Variants in NFKBIB observed in about 807,000 individuals in gnomAD.
The protein encoded by NFKBIB is NF-kappa-B inhibitor beta.
A neutral mutation model predicts 32.1 loss-of-function variants in NFKBIB; 16 were observed. The ratio of observed to expected loss-of-function variants is 0.50; its 90% CI spans 0.34 to 0.76. NFKBIB has a LOEUF of 0.76. Among genes scored for constraint, NFKBIB ranks in the 30% least tolerant of loss-of-function variants. The pLI is 0.01. For missense variants in NFKBIB, 437 were observed against 514.9 expected, an observed-to-expected ratio of 0.85 and a Z score of 1.46; for synonymous variants, 222 against 219.5, an observed-to-expected ratio of 1.01 and a Z score of -0.10.
chr19:38,900,610 G>A (rs1973920438), intron 1 of NFKBIB, among the ~76,000 whole-genome samples: 1 of 152,136 alleles, frequency 6.6e-6, no homozygotes, highest in African/African-American at 2.4e-5. Context: ...CTTGGTCCCT[G>A]ACTCTAAGAT....
rs745419273 is a variant in NFKBIB, at chr19:38,905,390, C to T, written c.474C>T (p.Pro158=). 3.2e-5 allele frequency: 51 copies of T among 1,613,448 alleles called. No homozygotes were observed. The highest frequency in any genetic ancestry group is 6.7e-5 in the East Asian group (3 of 44,872). The stretch of plus-strand genomic sequence containing the variant: ...GCCCCCGGCGCCCCAGGGAAGCCCC[C>T]GACACCTACCTCGCTCAGGGCCCTG... ...QPRPRRPREA[P]DTYLAQGPDR... Residue 158 remains proline, a synonymous_variant, in exon 3 of 6, where the codon CCC becomes CCT. Transcript: ENST00000313582. The surrounding 1 kb of genome is among the most constrained non-coding windows in gnomAD (Gnocchi z 5.5).
chr19:38,908,116 G>A, intron 5 of NFKBIB: 1 of 1,010,968 alleles, frequency 9.9e-7, no homozygotes, highest in Non-Finnish European at 1.2e-6. Context: ...CTTGGGCAAG[G>A]CGCGGTGCTG....
At chr19:38,908,147 T>G (rs935112636) in intron 5 of NFKBIB, 4 of 997,132 alleles carry the variant, frequency 4.0e-6, no homozygotes, top group Non-Finnish European at 4.8e-6. Flanking sequence ...GCGGAGGAAT[T>G]TGGGTAAAGG....
rs763394190 is a variant in NFKBIB, at chr19:38,907,499, G to A, written c.809G>A (p.Arg270His). The A allele has an allele frequency of 6.2e-6, 10 of 1,612,498 alleles. No individual in the cohort carries two copies. The highest frequency in any genetic ancestry group is 2.2e-5 in the East Asian group (1 of 44,888). Residue 270 changes from arginine to histidine, a missense_variant, in exon 5 of 6, where the codon CGC becomes CAC. Transcript: ENST00000313582. Reference protein sequence around the residue: ...LLRAGANPAARMYGGRTPLGS... With the variant: ...LLRAGANPAAHMYGGRTPLGS... The stretch of plus-strand genomic sequence containing the variant: ...AGGGCAGGCGCGAACCCTGCTGCCC[G>A]CATGTACGGTGGCCGCACCCCACTC...
At chr19:38,908,692 GC>G (rs1414911064) in intron 5 of NFKBIB, 38 bp from the exon 6 acceptor site, 1 of 1,581,390 alleles carries the variant, frequency 6.3e-7, no homozygotes, top group South Asian at 1.1e-5. Flanking sequence ...CAAAGTGACA[GC>G]CGCCTGAGCC....
Position 38,905,434 on chromosome 19 carries a change from A to G in NFKBIB, c.518A>G (p.Asn173Ser). Residue 173 changes from asparagine (N) to serine (S), a missense_variant, in exon 3 of 6, where the codon AAC (asparagine) becomes AGC (serine). Asn to Ser is a conservative substitution (Grantham distance 46, BLOSUM62 1). Coordinates refer to ENST00000313582, the MANE Select transcript of NFKBIB (RefSeq NM_002503.5). This position sits in a 1 kb window ranked among gnomAD's most constrained non-coding sequence, Gnocchi z 5.5. ...AQGPDRTPDT[N>S]HTPVALYPDS... ...GGCCCTGACCGTACTCCCGACACCA[A>G]CCATACCCCTGTCGCCTTGTACCCC... is the stretch of plus-strand genomic sequence containing the variant. 6.2e-7 allele frequency: 1 copy of G among 1,613,888 alleles called. No homozygotes were observed.
Position 38,907,502 on chromosome 19 carries a change from T to G in NFKBIB, c.812T>G (p.Met271Arg). The change falls in exon 5 of 6, where the codon ATG becomes AGG. Residue 271 changes from methionine to arginine, a missense_variant. Physicochemically the swap from Met to Arg is moderately conservative, Grantham distance 91 (BLOSUM62 -1). Coordinates refer to ENST00000313582, the MANE Select transcript of NFKBIB (RefSeq NM_002503.5). ...LRAGANPAARMYGGRTPLGSA... is the reference protein window; with the variant it reads ...LRAGANPAARRYGGRTPLGSA... ...GCAGGCGCGAACCCTGCTGCCCGCATGTACGGTGGCCGCACCCCACTCGGC... is the reference window on the plus strand; with the variant it reads ...GCAGGCGCGAACCCTGCTGCCCGCAGGTACGGTGGCCGCACCCCACTCGGC... 6.2e-7 allele frequency: 1 copy of G among 1,612,668 alleles called. No individual in the cohort carries two copies. The highest frequency in any genetic ancestry group is 8.5e-7 in the Non-Finnish European group (1 of 1,179,812).
At chr19:38,902,369 CTCA>C (rs1420278150) in intron 1 of NFKBIB, among the ~76,000 whole-genome samples, 1 of 152,164 alleles carries the variant, frequency 6.6e-6, no homozygotes, top group Admixed American at 6.6e-5. Flanking sequence ...CGCGCCCGGC[CTCA>C]TTTTATTTCT....
chr19:38,907,337 G>T lies in NFKBIB; in HGVS notation c.708+28G>T, dbSNP rs375166067. 1.5e-5 allele frequency: 24 copies of T among 1,606,510 alleles called. No individual in the cohort carries two copies. In the East Asian group the frequency reaches 4.0e-4, roughly 27 times the overall value. The stretch of plus-strand genomic sequence containing the variant: ...GAGCCCCAACCTCGGGGAAGATGCC[G>T]TCGGCGGGAGGGGGCTTGTCCCCTC... On this transcript the variant is annotated intron_variant, in intron 4 of 5. Transcript: ENST00000313582.
rs187047566 is a variant in NFKBIB, at chr19:38,907,174, G to A, written c.620-47G>A. 1.2e-5 allele frequency: 18 copies of A among 1,518,246 alleles called. No individual in the cohort carries two copies. The East Asian group carries it at 4.1e-4, about 35-fold the overall frequency. The allele number at this position is 1,518,246 out of a possible 1,614,324, so 94.0% of individuals were successfully genotyped here. A position where few individuals can be genotyped will look rare whatever the true frequency, so the allele number is the denominator to read the frequency against. On this transcript the variant is annotated intron_variant, in intron 3 of 5. Transcript: ENST00000313582. ...CCCAGGATCAAAGCACGGTGGGGTG[G>A]GGGGGGCCCTCACCTCATCATCTGA...
At position 38,907,674 on chromosome 19, in the gene NFKBIB, G is replaced by C. The variant is rs1974184732; in HGVS notation, c.969+15G>C. 1 of 1,588,586 alleles carries C rather than the reference G, an allele frequency of 6.3e-7. No individual in the cohort carries two copies. Among genetic ancestry groups the C allele is most frequent in the Non-Finnish European group, 8.6e-7 (1 of 1,166,672 alleles). ...GAGACGAGGGCGTGAGTCAGGAGGA[G>C]AGACAGGGCAGCCCAGCTGGGGGGT... On this transcript the variant is annotated intron_variant, in intron 5 of 5. Transcript: ENST00000313582.
At chr19:38,907,774 G>T in intron 5 of NFKBIB, 115 bp downstream of exon 5, 1 of 1,453,572 alleles carries the variant, frequency 6.9e-7, no homozygotes, top group Non-Finnish European at 9.1e-7. Context: ...GAGAACTCAG[G>T]CAGCAGCGCC....
At chr19:38,907,165 G>A (rs888563694) in intron 3 of NFKBIB, 56 bp from the exon 4 acceptor site, 7 of 1,502,874 alleles carry the variant, frequency 4.7e-6, no homozygotes, top group Middle Eastern at 1.7e-4. Context: ...ATCAAAGCAC[G>A]GTGGGGTGGG....
chr19:38,900,261 T>A (rs996132426), intron 1 of NFKBIB, 50 bp downstream of exon 1: 1 of 1,517,888 alleles, frequency 6.6e-7, no homozygotes, highest in East Asian at 2.4e-5. Context: ...CGGCGTCACA[T>A]TCCTCATTAA....
In NFKBIB at chr19:38,905,268, GC is replaced by G; in HGVS notation, c.354del (p.Leu120CysfsTer142). 6.3e-7 allele frequency: 1 copy of G among 1,596,088 alleles called. No homozygotes were observed. Among genetic ancestry groups the G allele is most frequent in the Non-Finnish European group, 8.5e-7 (1 of 1,172,320 alleles). On this transcript the variant is annotated frameshift_variant, in exon 3 of 6. Coordinates refer to ENST00000313582, the MANE Select transcript of NFKBIB (RefSeq NM_002503.5). LOFTEE classifies it high-confidence loss of function. The surrounding 1 kb of genome is among the most constrained non-coding windows in gnomAD (Gnocchi z 5.5). ...GGTGGAGAAGCTGTACGCAGCAGGC[GC>G]CGGGCTGTGTGTGGCGGAGCGTAGG... ...STVEKLYAAG[A>X]GLCVAERRGH... is the part of the protein sequence containing the mutation.
intron 1 of NFKBIB, among the ~76,000 whole-genome samples, chr19:38,900,667 G>T (rs1050873851): frequency 9.2e-5 from 14 of 152,088 alleles, no homozygotes; most frequent in African/African-American, 3.4e-4. Flanking sequence ...CAAAGAGAGA[G>T]AATGTAAGCT....
Position 38,900,158 on chromosome 19 carries a change from G to A in NFKBIB, c.126G>A (p.Pro42=). 6.2e-7 allele frequency: 1 copy of A among 1,601,622 alleles called. No individual in the cohort carries two copies. The highest frequency in any genetic ancestry group is 1.3e-5 in the African/African-American group (1 of 74,838). Residue 42 remains proline, a synonymous_variant, in exon 1 of 6, where the codon CCG becomes CCA. Coordinates refer to ENST00000313582, the MANE Select transcript of NFKBIB (RefSeq NM_002503.5). The part of the protein sequence containing the change: ...GGPGLGAELG[P]GLSWAPLVFG... Reference sequence around the variant, plus strand: ...CTGGGTTGGGCGCGGAGTTGGGCCCGGGGCTGTCGTGGGCTCCCCTCGTCT... The same window carrying A: ...CTGGGTTGGGCGCGGAGTTGGGCCCAGGGCTGTCGTGGGCTCCCCTCGTCT...
In NFKBIB at chr19:38,905,279, T is replaced by C. The variant is rs1974080215; in HGVS notation, c.363T>C (p.Cys121=). ...TGTACGCAGCAGGCGCCGGGCTGTG[T>C]GTGGCGGAGCGTAGGGGCCACACGG... ...EKLYAAGAGL[C]VAERRGHTAL... is the part of the protein sequence containing the mutation. The change falls in exon 3 of 6, where the codon TGT becomes TGC. Residue 121 remains cysteine (C), a synonymous_variant. Transcript: ENST00000313582. This position sits in a 1 kb window ranked among gnomAD's most constrained non-coding sequence, Gnocchi z 5.5. The C allele has an allele frequency of 1.2e-6, 2 of 1,602,236 alleles. No individual in the cohort carries two copies. Among genetic ancestry groups the C allele is most frequent in the Middle Eastern group, 1.7e-4 (1 of 6,036 alleles).
intron 1 of NFKBIB, 37 bp from the exon 2 acceptor site, chr19:38,904,978 T>G: frequency 6.3e-7 from 1 of 1,591,726 alleles, no homozygotes; most frequent in Non-Finnish European, 8.6e-7. Context: ...GCAAGAGGAC[T>G]TGAACTTTGC....
Sources: allele counts gnomAD v4.1 joint callset (sites outside exome capture counted in the v4.1 genomes callset), GRCh38; gene constraint gnomAD v4.1.1; non-coding constraint Gnocchi (gnomAD v3.1); transcripts MANE v1.5; gene names NCBI Gene and HGNC (gene_info 2026-07-23, HGNC 2026-07-21).